MDGA2: variants seen among roughly 807,000 people sequenced by gnomAD.
The protein encoded by MDGA2 is MAM domain containing glycosylphosphatidylinositol anchor 2, also known as MAM domain-containing glycosylphosphatidylinositol anchor protein 2.
Under a neutral mutation model 117.8 loss-of-function variants are expected in MDGA2, and 40 were observed. That is an observed-to-expected ratio of 0.34 (90% CI 0.26 to 0.44). The LOEUF (loss-of-function observed/expected upper bound fraction) is 0.44, where lower values mean the gene tolerates loss of function less well. Ranked by LOEUF, MDGA2 falls within the 20% of genes least tolerant of loss-of-function variation. The pLI is 1.00. For synonymous variants in MDGA2, 452 were observed against 439.0 expected (o/e 1.03, Z -0.37); for missense variants, 1,123 against 1,250.6 (o/e 0.90, Z 1.54).
chr14:47,601,706 T>C lies in MDGA2; in HGVS notation c.280+72811A>G, dbSNP rs17118963. Reference sequence around the variant, plus strand: ...CCTAAAAAATGTGGGTAAAAGATTTTTTCATTCCCATTTCAGTGGCATCTG... The same window carrying C: ...CCTAAAAAATGTGGGTAAAAGATTTCTTCATTCCCATTTCAGTGGCATCTG... On this transcript the variant is annotated intron_variant, in intron 1 of 16. Coordinates refer to ENST00000399232, the MANE Select transcript of MDGA2 (RefSeq NM_001113498.3). Among the ~76,000 whole-genome samples, 1,359 of 152,290 alleles carry C rather than the reference T, an allele frequency of 8.9e-3. 48 individuals are homozygous for C. Among genetic ancestry groups the C allele is most frequent in the Admixed American group, 0.056 (853 of 15,286 alleles).
intron 1 of MDGA2, among the ~76,000 whole-genome samples, chr14:47,410,815 T>A (rs1267396134): frequency 6.6e-6 from 1 of 152,192 alleles, no homozygotes; most frequent in Non-Finnish European, 1.5e-5. Flanking sequence ...TAATATCAAA[T>A]TTACTTTTTT....
chr14:47,395,396 T>C (rs1891986088), intron 1 of MDGA2, among the ~76,000 whole-genome samples: 1 of 152,176 alleles, frequency 6.6e-6, no homozygotes, highest in Non-Finnish European at 1.5e-5. Flanking sequence ...ATAAAAAATA[T>C]GATGAGGCAT....
intron 10 of MDGA2, among the ~76,000 whole-genome samples, chr14:46,883,985 T>C (rs969644400): frequency 6.6e-6 from 1 of 152,048 alleles, no homozygotes; most frequent in Non-Finnish European, 1.5e-5. Flanking sequence ...TCATGGGGCT[T>C]TTCTCCTTTT....
chr14:47,548,446 A>ACAGCAGC (rs1555331267), intron 1 of MDGA2, among the ~76,000 whole-genome samples: 1 of 151,858 alleles, frequency 6.6e-6, no homozygotes, highest in East Asian at 1.9e-4. Context: ...TTAATGACTA[A>ACAGCAGC]TTTTTTTGCT....
At chr14:47,101,654 A>G (rs987465901) in intron 5 of MDGA2, among the ~76,000 whole-genome samples, 1 of 152,214 alleles carries the variant, frequency 6.6e-6, no homozygotes, top group African/African-American at 2.4e-5. Context: ...AAAAGTGCCA[A>G]AAACAATAGG....
chr14:46,870,872 G>A (rs995791262), intron 14 of MDGA2: 2 of 151,856 alleles, frequency 1.3e-5, no homozygotes, highest in Non-Finnish European at 2.9e-5. Flanking sequence ...TTATTTTAAA[G>A]TAAAGCCCTA....
chr14:47,498,563 T>C (rs1894330490), intron 1 of MDGA2, among the ~76,000 whole-genome samples: 2 of 152,138 alleles, frequency 1.3e-5, no homozygotes, highest in Admixed American at 1.3e-4. Context: ...GAAATCATAC[T>C]TTTGAGTGAA....
chr14:47,248,532 T>C (rs1887327360), intron 2 of MDGA2, among the ~76,000 whole-genome samples: 1 of 149,298 alleles, frequency 6.7e-6, no homozygotes, highest in Non-Finnish European at 1.5e-5. Context: ...AAAAGTTATG[T>C]GACAAATCTT....
intron 1 of MDGA2, among the ~76,000 whole-genome samples, chr14:47,561,505 A>G (rs1895815828): frequency 6.6e-6 from 1 of 152,060 alleles, no homozygotes; most frequent in Admixed American, 6.6e-5. Flanking sequence ...GAGTGGGATT[A>G]CATTCTTGAT....
intron 10 of MDGA2, among the ~76,000 whole-genome samples, chr14:46,900,417 T>C (rs565097189): frequency 6.6e-6 from 1 of 152,294 alleles, no homozygotes; most frequent in South Asian, 2.1e-4. Flanking sequence ...TGAATGCTTA[T>C]AGTACCTTTA....
chr14:47,059,493 A>T (rs187113581), intron 7 of MDGA2: 1 of 376,502 alleles, frequency 2.7e-6, no homozygotes, highest in East Asian at 7.6e-5. Flanking sequence ...TCACAAATCA[A>T]TGTTGGTCAT....
chr14:47,609,583 T>C (rs1470107139), intron 1 of MDGA2, among the ~76,000 whole-genome samples: 1 of 150,530 alleles, frequency 6.6e-6, no homozygotes, highest in Non-Finnish European at 1.5e-5. Context: ...TAATGGCTTC[T>C]TTTCCTCTGG....
chr14:47,340,230 A>G (rs184231276), intron 1 of MDGA2, among the ~76,000 whole-genome samples: 9 of 152,204 alleles, frequency 5.9e-5, no homozygotes, highest in Admixed American at 5.2e-4. Flanking sequence ...AGCAGGATAT[A>G]CTCAATTGGA....
chr14:46,987,692 C>T (rs888307216), intron 8 of MDGA2, among the ~76,000 whole-genome samples: 1 of 151,358 alleles, frequency 6.6e-6, no homozygotes, highest in Non-Finnish European at 1.5e-5. Context: ...AACAATGCCT[C>T]CCTGATCTTG....
At chr14:47,209,216 T>A (rs1253780359) in intron 3 of MDGA2, among the ~76,000 whole-genome samples, 1 of 152,168 alleles carries the variant, frequency 6.6e-6, no homozygotes, top group Non-Finnish European at 1.5e-5. Flanking sequence ...ATTATAAGGT[T>A]CTACAGGGCA....
At chr14:47,134,052 T>C (rs1202675771) in intron 4 of MDGA2, among the ~76,000 whole-genome samples, 1 of 152,088 alleles carries the variant, frequency 6.6e-6, no homozygotes, top group Non-Finnish European at 1.5e-5. Context: ...ATATACATTG[T>C]AAAATAATCA....
chr14:46,973,157 T>C (rs1361941671), intron 8 of MDGA2, among the ~76,000 whole-genome samples: 1 of 152,160 alleles, frequency 6.6e-6, no homozygotes, highest in Non-Finnish European at 1.5e-5. Context: ...TTTTCATTCG[T>C]TGCTGGTGGA....
At chr14:47,585,882 G>A (rs1259551503) in intron 1 of MDGA2, among the ~76,000 whole-genome samples, 1 of 151,772 alleles carries the variant, frequency 6.6e-6, no homozygotes, top group Non-Finnish European at 1.5e-5. Context: ...CAAAACAAGA[G>A]GCAAGAAACA....
At chr14:47,085,048 A>C (rs866700793) in intron 6 of MDGA2, among the ~76,000 whole-genome samples, 3 of 152,060 alleles carry the variant, frequency 2.0e-5, no homozygotes, top group Non-Finnish European at 4.4e-5. Context: ...TAAAGTTCTA[A>C]ATAATCCTTG....
Sources: allele counts gnomAD v4.1 joint callset (sites outside exome capture counted in the v4.1 genomes callset), GRCh38; gene constraint gnomAD v4.1.1; transcripts MANE v1.5; gene names NCBI Gene and HGNC (gene_info 2026-07-23, HGNC 2026-07-21).